The following ST13 variants were observed in gnomAD, a reference collection of about 807,000 sequenced individuals.
ST13 encodes hsc70-interacting protein.
Under a neutral mutation model 56.7 loss-of-function variants are expected in ST13, and 23 were observed. That is an observed-to-expected ratio of 0.41 (90% CI 0.29 to 0.57). ST13 has a LOEUF of 0.57. Ranked by LOEUF, ST13 falls within the 20% of genes least tolerant of loss-of-function variation. The pLI is 0.36. For synonymous variants in ST13, 132 were observed against 142.4 expected, an observed-to-expected ratio of 0.93 and a Z score of 0.52; for missense variants, 369 against 459.9, an observed-to-expected ratio of 0.80 and a Z score of 1.81.
chr22:40,827,196 G>T lies in ST13; in HGVS notation c.881C>A (p.Pro294His). 1 of 1,613,230 alleles carries T rather than the reference G, an allele frequency of 6.2e-7. No individual in the cohort carries two copies. The highest frequency in any genetic ancestry group is 8.5e-7 in the Non-Finnish European group (1 of 1,179,918). ...CCCTCCCATTCCAGGCATTCCTCCG[G>T]GAAAATTACCAGGCATTCCCCCAGG... ...GFPGGMPGNFPGGMPGMGGGM... is the reference protein window; with the variant it reads ...GFPGGMPGNFHGGMPGMGGGM... The change falls in exon 11 of 12, where the codon CCC (proline) becomes CAC (histidine). Residue 294 changes from proline (P) to histidine (H), a missense_variant. Transcript: ENST00000216218.
intron 1 of ST13, among the ~76,000 whole-genome samples, chr22:40,852,205 A>G (rs949008281): frequency 6.6e-6 from 1 of 152,220 alleles, no homozygotes; most frequent in Non-Finnish European, 1.5e-5. Context: ...GAGAATTCCA[A>G]TTGTTTCACG....
chr22:40,829,074 G>A (rs536293266), intron 10 of ST13, among the ~76,000 whole-genome samples: 2 of 152,196 alleles, frequency 1.3e-5, no homozygotes, highest in South Asian at 2.1e-4. Context: ...CTCAATATTT[G>A]TTCTAGGTTT....
At chr22:40,843,249 T>C (rs970004041) in intron 4 of ST13, among the ~76,000 whole-genome samples, 15 of 152,240 alleles carry the variant, frequency 9.9e-5, no homozygotes, top group African/African-American at 3.4e-4. Flanking sequence ...GATATATCTT[T>C]TCCCGAACTT....
At chr22:40,827,602 T>C (rs1246649061) in intron 10 of ST13, among the ~76,000 whole-genome samples, 1 of 152,170 alleles carries the variant, frequency 6.6e-6, no homozygotes, top group Non-Finnish European at 1.5e-5. Flanking sequence ...CTCAGCCTTC[T>C]GAGTAGTTGA....
intron 3 of ST13, among the ~76,000 whole-genome samples, chr22:40,846,048 TGCGTCA>T (rs577804929): frequency 4.9e-4 from 74 of 152,308 alleles, no homozygotes; most frequent in African/African-American, 1.6e-3. Context: ...GCAATTGTCC[TGCGTCA>T]GTCTCCCAGG....
intron 8 of ST13, chr22:40,831,952 AAG>A: frequency 4.1e-6 from 1 of 243,786 alleles, no homozygotes; most frequent in Non-Finnish European, 8.4e-6. Flanking sequence ...TCCCAGGTTC[AAG>A]TGATTCTCCT....
At chr22:40,836,096 C>G in intron 5 of ST13, 1 of 494,110 alleles carries the variant, frequency 2.0e-6, no homozygotes, top group Non-Finnish European at 3.6e-6. Flanking sequence ...TTTCTGAGTA[C>G]GTAAGCCCCT....
chr22:40,839,512 C>A (rs983359794), intron 5 of ST13, among the ~76,000 whole-genome samples: 1 of 152,182 alleles, frequency 6.6e-6, no homozygotes, highest in Non-Finnish European at 1.5e-5. Flanking sequence ...CGTCTGCAAT[C>A]CCAGCACTTT....
chr22:40,836,362 G>C (rs1209450346), intron 5 of ST13, among the ~76,000 whole-genome samples: 1 of 152,144 alleles, frequency 6.6e-6, no homozygotes. Flanking sequence ...GAGGAGTGGC[G>C]CGAACCCGGG....
At chr22:40,843,573 C>A (rs933609749) in intron 4 of ST13, among the ~76,000 whole-genome samples, 1 of 151,942 alleles carries the variant, frequency 6.6e-6, no homozygotes, top group African/African-American at 2.4e-5. Context: ...ATAAAATGTT[C>A]AGAAGAGAAA....
At chr22:40,850,020 T>A (rs1054000752) in intron 2 of ST13, among the ~76,000 whole-genome samples, 1 of 151,648 alleles carries the variant, frequency 6.6e-6, no homozygotes, top group Non-Finnish European at 1.5e-5. Context: ...TCCCAGCACC[T>A]TGGGAGGCTG....
chr22:40,853,653 T>C (rs183954681), intron 1 of ST13, among the ~76,000 whole-genome samples: 2 of 152,340 alleles, frequency 1.3e-5, no homozygotes, highest in East Asian at 1.9e-4. Flanking sequence ...CTTTGTGCTA[T>C]GGTTATTTGT....
chr22:40,852,091 G>A (rs1302523434), intron 1 of ST13, among the ~76,000 whole-genome samples: 1 of 152,176 alleles, frequency 6.6e-6, no homozygotes, highest in African/African-American at 2.4e-5. Flanking sequence ...ATTCATTTCA[G>A]TTGGGTGGAA....
intron 4 of ST13, among the ~76,000 whole-genome samples, chr22:40,842,918 A>G (rs112681556): frequency 1.4e-3 from 218 of 152,350 alleles, no homozygotes; most frequent in African/African-American, 5.0e-3. Context: ...CTGGAAGGCC[A>G]GGAGTTTGAG....
At chr22:40,837,955 G>T (rs1345562251) in intron 5 of ST13, among the ~76,000 whole-genome samples, 1 of 152,094 alleles carries the variant, frequency 6.6e-6, no homozygotes, top group Non-Finnish European at 1.5e-5. Context: ...ACTCAAAACC[G>T]AAAAACTGAA....
intron 5 of ST13, among the ~76,000 whole-genome samples, chr22:40,836,603 G>T (rs9611425): frequency 6.6e-6 from 1 of 151,886 alleles, no homozygotes; most frequent in Admixed American, 6.6e-5. Flanking sequence ...ACTTCACAGG[G>T]CTGATTTTAA....
intron 10 of ST13, among the ~76,000 whole-genome samples, chr22:40,827,517 G>A (rs1031798814): frequency 1.3e-5 from 2 of 151,942 alleles, no homozygotes; most frequent in African/African-American, 2.4e-5. Flanking sequence ...TTGCTCTGTC[G>A]CCCAGGCTAG....
chr22:40,852,312 A>G (rs2057865691), intron 1 of ST13, among the ~76,000 whole-genome samples: 1 of 152,164 alleles, frequency 6.6e-6, no homozygotes, highest in Admixed American at 6.6e-5. Flanking sequence ...CCCTTTTCAT[A>G]TATTTACTGG....
At chr22:40,850,552 C>T (rs1009416132) in intron 2 of ST13, among the ~76,000 whole-genome samples, 5 of 152,182 alleles carry the variant, frequency 3.3e-5, no homozygotes, top group South Asian at 2.1e-4. Flanking sequence ...CACACCATCA[C>T]GGAGCTTACC....
Sources: allele counts gnomAD v4.1 joint callset (sites outside exome capture counted in the v4.1 genomes callset), GRCh38; gene constraint gnomAD v4.1.1; transcripts MANE v1.5; gene names NCBI Gene and HGNC (gene_info 2026-07-23, HGNC 2026-07-21).